CHRNA5: variants seen among roughly 807,000 people sequenced by gnomAD.
CHRNA5 encodes the protein cholinergic receptor nicotinic alpha 5 subunit.
CHRNA5 carries 28 observed loss-of-function variants against 41.2 expected under a neutral mutation model. The observed-to-expected ratio is 0.68, with a 90% CI of 0.50 to 0.93. CHRNA5 has a LOEUF of 0.93. Among genes scored for constraint, CHRNA5 ranks in the 40% least tolerant of loss-of-function variants. CHRNA5 has a pLI of 0.00. For missense variants in CHRNA5, 481 were observed against 581.9 expected (o/e 0.83, Z 1.78); for synonymous variants, 188 against 205.8 (o/e 0.91, Z 0.74).
At chr15:78,574,866 G>C (rs892749042) in intron 1 of CHRNA5, among the ~76,000 whole-genome samples, 1 of 151,488 alleles carries the variant, frequency 6.6e-6, no homozygotes, top group Non-Finnish European at 1.5e-5. Context: ...CCAGCTACTC[G>C]GGAGGTTGAG....
chr15:78,571,379 A>C (rs2052803424), intron 1 of CHRNA5, among the ~76,000 whole-genome samples: 1 of 152,236 alleles, frequency 6.6e-6, no homozygotes, highest in Admixed American at 6.5e-5. Flanking sequence ...GTATTCATTC[A>C]TAACTCGACA....
exon 6 of CHRNA5, chr15:78,593,379 C>G: frequency 1.1e-6 from 1 of 908,062 alleles, no homozygotes; most frequent in Non-Finnish European, 1.6e-6. Context: ...AGTTGCTAAC[C>G]TCAATTTATG....
chr15:78,568,333 T>C (rs2052768683), intron 1 of CHRNA5, among the ~76,000 whole-genome samples: 1 of 152,170 alleles, frequency 6.6e-6, no homozygotes, highest in African/African-American at 2.4e-5. Flanking sequence ...TGACCTGTGA[T>C]TGGGACAGTG....
At chr15:78,573,457 G>A (rs1055755161) in intron 1 of CHRNA5, among the ~76,000 whole-genome samples, 5 of 152,180 alleles carry the variant, frequency 3.3e-5, no homozygotes, top group African/African-American at 4.8e-5. Flanking sequence ...CCAGGTCTTC[G>A]TTTTCTGCTC....
chr15:78,593,023 GTT>G (rs1199698615), intron 5 of CHRNA5, 67 bp from the exon 6 acceptor site: 11 of 1,552,192 alleles, frequency 7.1e-6, no homozygotes, highest in Non-Finnish European at 8.7e-6. Flanking sequence ...AACTCAGTGT[GTT>G]TGTTATATCT....
At chr15:78,580,788 A>G (rs1567057293) in intron 1 of CHRNA5, 23 bp from the exon 2 acceptor site, 68 of 1,593,008 alleles carry the variant, frequency 4.3e-5, no homozygotes, top group Non-Finnish European at 5.8e-5. Flanking sequence ...GAGTACATTA[A>G]CTTTTAAAAA....
chr15:78,592,466 T>C (rs1056609363), intron 5 of CHRNA5, among the ~76,000 whole-genome samples: 1 of 152,212 alleles, frequency 6.6e-6, no homozygotes, highest in African/African-American at 2.4e-5. Context: ...GGAAATGGCC[T>C]TGTAGAAAGG....
chr15:78,576,900 T>C (rs2052863380), intron 1 of CHRNA5, among the ~76,000 whole-genome samples: 1 of 152,134 alleles, frequency 6.6e-6, no homozygotes. Flanking sequence ...TGAGCAAATA[T>C]TAACTATTTA....
chr15:78,576,686 A>T (rs568320806), intron 1 of CHRNA5, among the ~76,000 whole-genome samples: 1 of 151,282 alleles, frequency 6.6e-6, no homozygotes, highest in East Asian at 2.0e-4. Flanking sequence ...GGAGCTTGAG[A>T]TAGGAGGGAG....
intron 5 of CHRNA5, 26 bp from the exon 6 acceptor site, chr15:78,593,066 A>C (rs936162811): frequency 1.3e-6 from 2 of 1,595,002 alleles, no homozygotes; most frequent in African/African-American, 2.7e-5. Flanking sequence ...CAATTATTTA[A>C]TGCATTTTTA....
chr15:78,576,365 C>T (rs563447003), intron 1 of CHRNA5, among the ~76,000 whole-genome samples: 17 of 152,254 alleles, frequency 1.1e-4, no homozygotes, highest in African/African-American at 4.1e-4. Context: ...AGGCTGGTCT[C>T]GAACTCCTGG....
intron 1 of CHRNA5, among the ~76,000 whole-genome samples, chr15:78,568,101 A>C (rs2052766368): frequency 6.6e-6 from 1 of 152,136 alleles, no homozygotes; most frequent in South Asian, 2.1e-4. Context: ...TTATTTTTAC[A>C]ATTTATTGTT....
intron 1 of CHRNA5, among the ~76,000 whole-genome samples, chr15:78,576,240 A>C (rs1244862823): frequency 1.3e-5 from 2 of 152,082 alleles, no homozygotes; most frequent in Non-Finnish European, 2.9e-5. Flanking sequence ...TCTGCCTCCC[A>C]GGTTCAATAG....
Position 78,567,527 on chromosome 15 carries a change from G to T in CHRNA5, c.106+1702G>T, listed in dbSNP as rs545595210. 4.6e-5 allele frequency among the ~76,000 whole-genome samples: 7 copies of T among 152,320 alleles called. No individual in the cohort carries two copies. The East Asian group carries it at 1.3e-3, about 29-fold the overall frequency. On this transcript the variant is annotated intron_variant, in intron 1 of 5. Coordinates refer to ENST00000299565, the Ensembl canonical transcript of CHRNA5. ...TGTTATAACAAAGTGAAATCGATTA[G>T]TTCCTGCTTTCTGCCCCACTTAGTT...
At chr15:78,566,261 T>C (rs540537509) in intron 1 of CHRNA5, among the ~76,000 whole-genome samples, 5 of 152,206 alleles carry the variant, frequency 3.3e-5, no homozygotes, top group Non-Finnish European at 7.4e-5. Flanking sequence ...TCTTCCTCCA[T>C]CCCTGTCCCC....
intron 1 of CHRNA5, among the ~76,000 whole-genome samples, chr15:78,570,516 C>T (rs1052142236): frequency 5.5e-5 from 8 of 146,502 alleles, no homozygotes; most frequent in African/African-American, 1.5e-4. Context: ...ATGATCCGCC[C>T]GCCTTGGCTT....
rs1861347157 is a variant in CHRNA5 at position 78,588,205 on chromosome 15, G to A, written c.304-109G>A. ...GACAGGGAGGTGTTCTCTATTGGGG[G>A]TAGAGATGATCTCATGTCTAAAATT... On this transcript the variant is annotated intron_variant, in intron 3 of 5. Coordinates refer to ENST00000299565, the Ensembl canonical transcript of CHRNA5. The surrounding 1 kb of genome is among the most constrained non-coding windows in gnomAD (Gnocchi z 4.1). 4 of 566,314 alleles carry A rather than the reference G, an allele frequency of 7.1e-6. No individual in the cohort carries two copies. The highest frequency in any genetic ancestry group is 3.0e-4 in the Middle Eastern group (1 of 3,348). 35.1% of individuals were successfully genotyped at this position (566,314 alleles called of 1,614,324 possible).
At chr15:78,585,305 C>T (rs546307946) in intron 2 of CHRNA5, among the ~76,000 whole-genome samples, 1 of 152,264 alleles carries the variant, frequency 6.6e-6, no homozygotes, top group African/African-American at 2.4e-5. Flanking sequence ...TCATTCTCCC[C>T]ATGCAGGGAC....
rs573340698 is a variant in CHRNA5 at position 78,578,376 on chromosome 15, C to T, written c.107-2435C>T. On this transcript the variant is annotated intron_variant, in intron 1 of 5. Coordinates refer to ENST00000299565, the Ensembl canonical transcript of CHRNA5. Reference sequence around the variant, plus strand: ...TACAAAAATTAGCCAGGCGTGGTGGCGTGTGCCTGTGGTCCCTGCTGTTCG... The same window carrying T: ...TACAAAAATTAGCCAGGCGTGGTGGTGTGTGCCTGTGGTCCCTGCTGTTCG... Among the ~76,000 whole-genome samples the T allele has an allele frequency of 9.9e-5, 15 of 152,176 alleles. No homozygotes were observed. In the South Asian group the frequency reaches 2.5e-3, roughly 25 times the overall value.
Sources: gnomAD v4.1 joint callset for allele counts (sites outside exome capture counted in the v4.1 genomes callset) on GRCh38, gnomAD v4.1.1 for gene constraint, Gnocchi (gnomAD v3.1) non-coding constraint, MANE v1.5 for transcripts, NCBI Gene and HGNC (gene_info 2026-07-23, HGNC 2026-07-21) for gene names.